The following TYRO3 variants were observed in gnomAD, a reference collection of about 807,000 sequenced individuals.
TYRO3 encodes tyrosine-protein kinase receptor TYRO3.
In TYRO3, 38 loss-of-function variants were observed where a neutral mutation model predicts 95.2. That is an observed-to-expected ratio of 0.40 (90% CI 0.31 to 0.52). The LOEUF is 0.52. TYRO3 is among the 20% of genes least tolerant of loss of function. The pLI is 0.56. For synonymous variants in TYRO3, 367 were observed against 432.9 expected, an observed-to-expected ratio of 0.85 and a Z score of 1.89; for missense variants, 812 against 1,116.4, an observed-to-expected ratio of 0.73 and a Z score of 3.89.
chr15:41,573,139 G>A (rs759202092), intron 16 of TYRO3, 28 bp downstream of exon 16: 1 of 1,608,580 alleles, frequency 6.2e-7, no homozygotes. Flanking sequence ...CTCGAGGGTG[G>A]GAGACAGCAG....
chr15:41,568,709 C>T (rs1446759984), intron 8 of TYRO3, among the ~76,000 whole-genome samples, 169 bp from the exon 9 acceptor site: 1 of 152,094 alleles, frequency 6.6e-6, no homozygotes, highest in Non-Finnish European at 1.5e-5. Context: ...GCCCCTGCAG[C>T]CGGGAACAGG....
rs1197989494 is a variant in TYRO3 at position 41,579,781 on chromosome 15, C to G, written c.*1505C>G. 4 of 141,680 alleles carry G rather than the reference C, an allele frequency of 2.8e-5. No individual in the cohort carries two copies. Among genetic ancestry groups the G allele is most frequent in the African/African-American group, 7.9e-5 (3 of 38,176 alleles). The allele number at this position is 141,680 out of a possible 1,614,324, so 8.8% of individuals were successfully genotyped here. A position where few individuals can be genotyped will look rare whatever the true frequency, so the allele number is the denominator to read the frequency against. On this transcript the variant is annotated 3_prime_UTR_variant, in exon 19 of 19. Coordinates refer to ENST00000263798, the MANE Select transcript of TYRO3 (RefSeq NM_006293.4). ...ATCTTTTTTTTTTTTTTTTTGAGACCGAGTCTCACTCTGTCGCCCAGGCTG... is the reference window on the plus strand; with the variant it reads ...ATCTTTTTTTTTTTTTTTTTGAGACGGAGTCTCACTCTGTCGCCCAGGCTG...
chr15:41,567,555 C>T lies in TYRO3; in HGVS notation c.961+18C>T, dbSNP rs932378696. On this transcript the variant is annotated intron_variant, in intron 7 of 18. Transcript: ENST00000263798. ...GGGTCTAGGTAAGGGATGCATAGAG[C>T]AGAGCGGGTGGGCAGGGCTGGAGCC... The T allele has an allele frequency of 6.8e-7, 1 of 1,471,726 alleles. No individual in the cohort carries two copies. The highest frequency in any genetic ancestry group is 9.0e-7 in the Non-Finnish European group (1 of 1,109,920). 91.2% of individuals were successfully genotyped at this position (1,471,726 alleles called of 1,614,324 possible). A position where few individuals can be genotyped will look rare whatever the true frequency, so the allele number is the denominator to read the frequency against.
Position 41,577,970 on chromosome 15 carries a change from C to T in TYRO3, c.2367C>T (p.Ile789=), listed in dbSNP as rs199635301. 56 of 1,613,906 alleles carry T rather than the reference C, an allele frequency of 3.5e-5. No individual in the cohort carries two copies. In the East Asian group the frequency reaches 1.2e-3, roughly 35 times the overall value. ...GTCTGCGAATGGAACTGGAGAACAT[C>T]TTGGGCCAGCTGTCTGTGCTATCTG... ...FTCLRMELEN[I]LGQLSVLSAS... Residue 789 remains isoleucine, a synonymous_variant, in exon 19 of 19, where the codon ATC becomes ATT. Coordinates refer to ENST00000263798, the MANE Select transcript of TYRO3 (RefSeq NM_006293.4).
At position 41,568,203 on chromosome 15, in the gene TYRO3, C is replaced by T. The variant is rs774578531; in HGVS notation, c.962-14C>T. 1 of 1,591,094 alleles carries T rather than the reference C, an allele frequency of 6.3e-7. No homozygotes were observed. The highest frequency in any genetic ancestry group is 8.6e-7 in the Non-Finnish European group (1 of 1,164,510). On this transcript the variant is annotated splice_polypyrimidine_tract_variant and intron_variant, in intron 7 of 18. Coordinates refer to ENST00000263798, the MANE Select transcript of TYRO3 (RefSeq NM_006293.4). The stretch of plus-strand genomic sequence containing the variant: ...AGGGCAGGGGTCTTAGCAATCTTCT[C>T]TCTTTGGCTGCAGCCCCAGCCAGCG...
chr15:41,578,860 G>T lies in TYRO3; in HGVS notation c.*584G>T. ...CCCTGCCTACGCCAGGAGAAGTTGA[G>T]GGGAGCATGCTTCCCTGCAGCTGAC... On this transcript the variant is annotated 3_prime_UTR_variant, in exon 19 of 19. Transcript: ENST00000263798. The T allele has an allele frequency of 6.4e-6, 1 of 155,980 alleles. No individual in the cohort carries two copies. Among genetic ancestry groups the T allele is most frequent in the African/African-American group, 2.4e-5 (1 of 41,588 alleles). 9.7% of individuals were successfully genotyped at this position (155,980 alleles called of 1,614,324 possible). A position where few individuals can be genotyped will look rare whatever the true frequency, so the allele number is the denominator to read the frequency against.
chr15:41,575,923 A>G (rs1291195057), intron 18 of TYRO3, among the ~76,000 whole-genome samples: 1 of 151,800 alleles, frequency 6.6e-6, no homozygotes, highest in African/African-American at 2.4e-5. Flanking sequence ...TGACCAACAT[A>G]GAGAAACCCC....
At chr15:41,560,482 G>A (rs2055639277) in intron 1 of TYRO3, among the ~76,000 whole-genome samples, 1 of 151,612 alleles carries the variant, frequency 6.6e-6, no homozygotes, top group African/African-American at 2.4e-5. Flanking sequence ...CCCTGTTAAT[G>A]TGGCAGTGGC....
intron 13 of TYRO3, 75 bp from the exon 14 acceptor site, chr15:41,571,520 A>G: frequency 9.7e-7 from 1 of 1,029,266 alleles, no homozygotes; most frequent in Non-Finnish European, 1.5e-6. Flanking sequence ...TCTGAAGGAC[A>G]AGACCTAGGA....
chr15:41,562,696 T>C lies in TYRO3; in HGVS notation c.558T>C (p.Ser186=). The part of the protein sequence containing the change: ...GTTKIGGPAP[S]PSVLNVTGVT... ...CGAAGATCGGGGGACCCGCTCCCTC[T>C]CCATCTGTTTTAAATGTAACAGGTG... Residue 186 remains serine (S), a synonymous_variant, in exon 4 of 19, where the codon TCT becomes TCC. Coordinates refer to ENST00000263798, the MANE Select transcript of TYRO3 (RefSeq NM_006293.4). The C allele has an allele frequency of 6.2e-7, 1 of 1,613,552 alleles. No individual in the cohort carries two copies. The highest frequency in any genetic ancestry group is 8.5e-7 in the Non-Finnish European group (1 of 1,179,766).
rs2055829755 is a variant in TYRO3, at chr15:41,573,771, T to C, written c.2238T>C (p.Ile746=). The C allele has an allele frequency of 1.2e-6, 2 of 1,614,132 alleles. No individual in the cohort carries two copies. Among genetic ancestry groups the C allele is most frequent in the African/African-American group, 2.7e-5 (2 of 74,954 alleles). Residue 746 remains isoleucine, a synonymous_variant, in exon 18 of 19, where the codon ATT becomes ATC. Coordinates refer to ENST00000263798, the MANE Select transcript of TYRO3 (RefSeq NM_006293.4). ...IENAEIYNYL[I]GGNRLKQPPE... ...ACGCTGAGATTTACAACTACCTCAT[T>C]GGCGGGAACCGCCTGAAACAGCCTC...
At chr15:41,572,408 T>C (rs749044607) in intron 14 of TYRO3, 35 bp from the exon 15 acceptor site, 1 of 1,466,890 alleles carries the variant, frequency 6.8e-7, no homozygotes, top group Non-Finnish European at 9.3e-7. Flanking sequence ...CCCTTGACCC[T>C]TCTATGCTCA....
chr15:41,560,917 C>G lies in TYRO3; in HGVS notation c.125-210C>G, dbSNP rs775593007. Among the ~76,000 whole-genome samples the G allele has an allele frequency of 3.3e-5, 5 of 152,296 alleles. No individual in the cohort carries two copies. The Middle Eastern group carries it at 0.014, about 414-fold the overall frequency. On this transcript the variant is annotated intron_variant, in intron 1 of 18. Coordinates refer to ENST00000263798, the MANE Select transcript of TYRO3 (RefSeq NM_006293.4). The stretch of plus-strand genomic sequence containing the variant: ...GACATGGGGAAGAGGTCCTTAGAGC[C>G]GGAGGGAACTTGGAGAGCTTGCCAT...
chr15:41,568,168 G>T, intron 7 of TYRO3, 49 bp from the exon 8 acceptor site: 1 of 1,608,750 alleles, frequency 6.2e-7, no homozygotes, highest in South Asian at 1.1e-5. Context: ...ATGGAATTAT[G>T]ATGGTGGGAA....
At chr15:41,566,285 C>G (rs2140823566) in intron 6 of TYRO3, among the ~76,000 whole-genome samples, 1 of 144,532 alleles carries the variant, frequency 6.9e-6, no homozygotes, top group Non-Finnish European at 1.5e-5. Context: ...TGCACTCCAG[C>G]CTGAGTGAGT....
rs761526660 is a variant in TYRO3, at chr15:41,568,296, C to T, written c.1041C>T (p.Pro347=). Residue 347 remains proline (P), a synonymous_variant, in exon 8 of 19, where the codon CCC becomes CCT. Transcript: ENST00000263798. ...TCTTGGAGTGGGAAGAAGTGATCCC[C>T]GAGGCCCCTTTGGAAGGCCCCCTGG... ...GLILEWEEVI[P]EAPLEGPLGP... The T allele has an allele frequency of 1.1e-5, 18 of 1,613,840 alleles. No individual in the cohort carries two copies. Among genetic ancestry groups the T allele is most frequent in the Non-Finnish European group, 1.4e-5 (16 of 1,180,006 alleles).
At chr15:41,574,795 C>G in intron 18 of TYRO3, 1 of 452,892 alleles carries the variant, frequency 2.2e-6, no homozygotes, top group Non-Finnish European at 4.4e-6. Context: ...TCTCTGCTTA[C>G]TGCAGCCTCA....
chr15:41,572,134 T>G (rs2055804554), intron 14 of TYRO3, among the ~76,000 whole-genome samples: 1 of 152,152 alleles, frequency 6.6e-6, no homozygotes, highest in African/African-American at 2.4e-5. Context: ...ACATTGAGGC[T>G]GCAGTGAGCT....
At chr15:41,576,413 A>T (rs2055861167) in intron 18 of TYRO3, among the ~76,000 whole-genome samples, 1 of 151,772 alleles carries the variant, frequency 6.6e-6, no homozygotes, top group Non-Finnish European at 1.5e-5. Flanking sequence ...GGCTGGTCTC[A>T]AACTCCCGAC....
Sources: gnomAD v4.1 joint callset for allele counts (sites outside exome capture counted in the v4.1 genomes callset) on GRCh38, gnomAD v4.1.1 for gene constraint, MANE v1.5 for transcripts, NCBI Gene and HGNC (gene_info 2026-07-23, HGNC 2026-07-21) for gene names.